NRXN3: variants seen among roughly 807,000 people sequenced by gnomAD.
NRXN3 encodes neurexin 3, also known as neurexin III.
NRXN3 carries 32 observed loss-of-function variants against 137.6 expected under a neutral mutation model. The observed-to-expected ratio is 0.23, with a 90% CI of 0.18 to 0.31. The LOEUF is 0.31. NRXN3 is among the 10% of genes least tolerant of loss of function. The pLI is 1.00. For synonymous variants in NRXN3, 798 were observed against 784.5 expected (o/e 1.02, Z -0.29); for missense variants, 1,574 against 2,062.5 (o/e 0.76, Z 4.59).
intron 16 of NRXN3, among the ~76,000 whole-genome samples, chr14:79,660,623 G>A (rs1394852478): frequency 6.6e-6 from 1 of 152,144 alleles, no homozygotes; most frequent in East Asian, 1.9e-4. Flanking sequence ...AACTCACTGA[G>A]CCAGAACCGT....
intron 14 of NRXN3, among the ~76,000 whole-genome samples, chr14:78,987,045 A>T (rs1217802163): frequency 6.8e-6 from 1 of 147,426 alleles, no homozygotes; most frequent in African/African-American, 2.6e-5. Context: ...AAAAAAAAAG[A>T]ATTCATTTTT....
chr14:79,213,627 G>A (rs187768619), intron 15 of NRXN3, among the ~76,000 whole-genome samples: 39 of 150,404 alleles, frequency 2.6e-4, no homozygotes, highest in African/African-American at 5.1e-4. Context: ...TTTTTTTTTG[G>A]GGGGGGGTGG....
At chr14:78,484,962 A>G (rs2095538594) in intron 4 of NRXN3, among the ~76,000 whole-genome samples, 1 of 152,132 alleles carries the variant, frequency 6.6e-6, no homozygotes. Flanking sequence ...TAAAAAATGA[A>G]CCTTGCCAGC....
At chr14:79,467,978 C>T (rs1265627719) in intron 16 of NRXN3, among the ~76,000 whole-genome samples, 4 of 152,172 alleles carry the variant, frequency 2.6e-5, no homozygotes, top group Non-Finnish European at 1.5e-5. Flanking sequence ...TTAGTGACCC[C>T]TGTCCTAGGC....
At chr14:78,764,023 C>T (rs1313320833) in intron 8 of NRXN3, among the ~76,000 whole-genome samples, 1 of 152,198 alleles carries the variant, frequency 6.6e-6, no homozygotes, top group Non-Finnish European at 1.5e-5. Flanking sequence ...CTTGGGAGAA[C>T]TGGCTTTAGG....
intron 1 of NRXN3, among the ~76,000 whole-genome samples, chr14:78,198,101 T>C (rs778516050): frequency 5.9e-5 from 9 of 152,232 alleles, no homozygotes; most frequent in Non-Finnish European, 1.3e-4. Flanking sequence ...TTGGTCACTG[T>C]ATTGGCACAG....
At chr14:79,485,830 G>C (rs77811937) in intron 16 of NRXN3, among the ~76,000 whole-genome samples, 2 of 152,078 alleles carry the variant, frequency 1.3e-5, no homozygotes, top group East Asian at 1.9e-4. Context: ...ATATTTTAAC[G>C]TACTGTTAGA....
intron 4 of NRXN3, among the ~76,000 whole-genome samples, chr14:78,463,543 CTTG>C (rs955587393): frequency 4.7e-5 from 7 of 149,964 alleles, no homozygotes; most frequent in Non-Finnish European, 8.9e-5. Flanking sequence ...TCCTCCATAC[CTTG>C]TTGTTTTTTT....
chr14:79,535,322 T>G (rs1407337214), intron 16 of NRXN3, among the ~76,000 whole-genome samples: 1 of 152,166 alleles, frequency 6.6e-6, no homozygotes, highest in African/African-American at 2.4e-5. Flanking sequence ...GCTGACTGAT[T>G]TAAAAGCTTC....
chr14:78,264,967 A>G (rs79660025), intron 2 of NRXN3, among the ~76,000 whole-genome samples: 1,578 of 152,284 alleles, frequency 0.01, 30 homozygotes, highest in African/African-American at 0.036. Flanking sequence ...CCCACTGCTA[A>G]AATGCATGAG....
intron 16 of NRXN3, among the ~76,000 whole-genome samples, chr14:79,542,390 A>G (rs2097281790): frequency 6.6e-6 from 1 of 152,178 alleles, no homozygotes; most frequent in Admixed American, 6.5e-5. Context: ...CCATAATAAG[A>G]GTCTCAATGT....
At chr14:78,491,615 G>A (rs1167506636) in intron 4 of NRXN3, among the ~76,000 whole-genome samples, 1 of 152,100 alleles carries the variant, frequency 6.6e-6, no homozygotes, top group Non-Finnish European at 1.5e-5. Context: ...GGCATGAAAC[G>A]GAATATCTGG....
At chr14:79,490,096 G>T (rs1471971982) in intron 16 of NRXN3, among the ~76,000 whole-genome samples, 2 of 148,688 alleles carry the variant, frequency 1.3e-5, no homozygotes, top group Non-Finnish European at 3.0e-5. Context: ...AGCTCCAAGT[G>T]AGGTACAAAC....
intron 15 of NRXN3, among the ~76,000 whole-genome samples, chr14:79,133,047 G>C (rs902683510): frequency 4.6e-5 from 7 of 152,220 alleles, no homozygotes; most frequent in African/African-American, 1.4e-4. Flanking sequence ...GGCAGCTGAA[G>C]GCTGTCTATG....
chr14:79,565,371 A>G (rs1254046067), intron 16 of NRXN3, among the ~76,000 whole-genome samples: 1 of 115,894 alleles, frequency 8.6e-6, no homozygotes, highest in African/African-American at 4.1e-5. Context: ...ACACACACAT[A>G]TGTATATATA....
At chr14:79,592,894 T>C (rs2097820510) in intron 16 of NRXN3, among the ~76,000 whole-genome samples, 1 of 152,190 alleles carries the variant, frequency 6.6e-6, no homozygotes, top group Admixed American at 6.5e-5. Context: ...GCCTACAAGT[T>C]TCCAGCTGTG....
chr14:78,886,437 A>G (rs917280699), intron 10 of NRXN3, among the ~76,000 whole-genome samples: 1 of 152,026 alleles, frequency 6.6e-6, no homozygotes, highest in African/African-American at 2.4e-5. Context: ...GATCAAACAC[A>G]TATTCTCTGC....
At chr14:78,933,721 A>AT (rs2099328182) in intron 10 of NRXN3, among the ~76,000 whole-genome samples, 1 of 152,212 alleles carries the variant, frequency 6.6e-6, no homozygotes, top group Non-Finnish European at 1.5e-5. Flanking sequence ...AAATGGTCAA[A>AT]TCTAGCTAAT....
intron 17 of NRXN3, among the ~76,000 whole-genome samples, chr14:79,689,211 G>T (rs2098706899): frequency 6.6e-6 from 1 of 152,086 alleles, no homozygotes; most frequent in South Asian, 2.1e-4. Context: ...GTTGCTATAT[G>T]AAATATATGA....
Sources: gnomAD v4.1 joint callset for allele counts (sites outside exome capture counted in the v4.1 genomes callset) on GRCh38, gnomAD v4.1.1 for gene constraint, MANE v1.5 for transcripts, NCBI Gene and HGNC (gene_info 2026-07-23, HGNC 2026-07-21) for gene names.